The following ANKRD18A variants were observed in gnomAD, a reference collection of about 807,000 sequenced individuals.
The protein encoded by ANKRD18A is ankyrin repeat domain 18A, also known as ankyrin repeat domain-containing protein 18A.
ANKRD18A carries 72 observed loss-of-function variants against 110.6 expected under a neutral mutation model. That is an observed-to-expected ratio of 0.65 (90% CI 0.54 to 0.79). The LOEUF (loss-of-function observed/expected upper bound fraction) is 0.79, where lower values mean the gene tolerates loss of function less well. Among genes scored for constraint, ANKRD18A ranks in the 30% least tolerant of loss-of-function variants. ANKRD18A has a pLI of 0.00. For synonymous variants in ANKRD18A, 305 were observed against 410.3 expected, an observed-to-expected ratio of 0.74 and a Z score of 3.10; for missense variants, 934 against 1,163.3, an observed-to-expected ratio of 0.80 and a Z score of 2.87.
At position 38,577,099 on chromosome 9, in the gene ANKRD18A, C is replaced by A. The variant is rs1203720374; in HGVS notation, c.2695G>T (p.Ala899Ser). 6.5e-7 allele frequency: 1 copy of A among 1,549,042 alleles called. No homozygotes were observed. The highest frequency in any genetic ancestry group is 8.7e-7 in the Non-Finnish European group (1 of 1,146,250). The change falls in exon 14 of 16, where the codon GCA becomes TCA. Residue 899 changes from alanine to serine, a missense_variant. Physicochemically the swap from Ala to Ser is moderately conservative, Grantham distance 99. Transcript: ENST00000399703. ...TELEEFKEAF[A>S]GAVKANNSMS... ...GAATTGTTAGCTTTCACTGCTCCTG[C>A]AAAGGCTTCCTTAAATTCTTCTAAT... is the stretch of plus-strand genomic sequence containing the variant.
At chr9:38,616,499 C>A (rs1206443139) in intron 1 of ANKRD18A, among the ~76,000 whole-genome samples, 3 of 152,246 alleles carry the variant, frequency 2.0e-5, no homozygotes, top group African/African-American at 7.2e-5. Context: ...GTTGCCCAGG[C>A]TGGAGTGCAA....
chr9:38,607,423 T>C lies in ANKRD18A; in HGVS notation c.808+3A>G, dbSNP rs368920465. 4.7e-6 allele frequency: 7 copies of C among 1,487,448 alleles called. No individual in the cohort carries two copies. The African/African-American group carries it at 5.8e-5, about 12-fold the overall frequency. 92.1% of individuals were successfully genotyped at this position (1,487,448 alleles called of 1,614,324 possible). On this transcript the variant is annotated splice_donor_region_variant and intron_variant, in intron 6 of 15. Transcript: ENST00000399703. ...ATGAGAAATTTACTATCAGAAGTCT[T>C]ACCTTGATTGTCATTTCGAAGATGA...
chr9:38,613,900 A>G (rs1257722846), intron 3 of ANKRD18A, among the ~76,000 whole-genome samples: 1 of 152,204 alleles, frequency 6.6e-6, no homozygotes, highest in East Asian at 1.9e-4. Context: ...GTCAGTCTCT[A>G]CTTATTGAAA....
intron 6 of ANKRD18A, among the ~76,000 whole-genome samples, chr9:38,603,762 A>G (rs1287257449): frequency 6.6e-6 from 1 of 152,094 alleles, no homozygotes; most frequent in Non-Finnish European, 1.5e-5. Context: ...AATTGAATCT[A>G]ATGCCTCCCC....
At chr9:38,586,135 C>T (rs1824370665) in intron 12 of ANKRD18A, 48 bp downstream of exon 12, 2 of 1,507,320 alleles carry the variant, frequency 1.3e-6, no homozygotes, top group African/African-American at 1.4e-5. Flanking sequence ...GTACCTCTTA[C>T]ACATGTAATC....
At position 38,612,959 on chromosome 9, in the gene ANKRD18A, T is replaced by TA. The variant is rs1825699841; in HGVS notation, c.496-1639dup. Among the ~76,000 whole-genome samples, 4 of 151,382 alleles carry TA rather than the reference T, an allele frequency of 2.6e-5. No homozygotes were observed. The South Asian group carries it at 6.3e-4, about 24-fold the overall frequency. On this transcript the variant is annotated intron_variant, in intron 3 of 15. Transcript: ENST00000399703. ...CAGATGACTATTTGTGGTATAGATA[T>TA]AAAAAAAGAGTTAAAAAAACTTCTG... is the stretch of plus-strand genomic sequence containing the variant.
chr9:38,576,291 G>A (rs151054495), intron 14 of ANKRD18A, among the ~76,000 whole-genome samples: 2 of 152,130 alleles, frequency 1.3e-5, no homozygotes, highest in South Asian at 2.1e-4. Context: ...ATAACTCAGA[G>A]CAACAACTCC....
rs895958063 is a variant in ANKRD18A, at chr9:38,601,182, A to T, written c.885T>A (p.Ala295=). The part of the protein sequence containing the change: ...RAKAEHNLKV[A]SEEKQERLQR... The stretch of plus-strand genomic sequence containing the variant: ...GGAGCCTTTCTTGCTTTTCCTCTGA[A>T]GCCACTTTTAGGTTGTGTTCTGCTG... Residue 295 remains alanine (A), a synonymous_variant, in exon 8 of 16, where the codon GCT becomes GCA. Coordinates refer to ENST00000399703, the MANE Select transcript of ANKRD18A (RefSeq NM_147195.4). 13 of 1,559,580 alleles carry T rather than the reference A, an allele frequency of 8.3e-6. 1 individual carries two copies. The highest frequency in any genetic ancestry group is 1.9e-5 in the Admixed American group (1 of 51,808).
rs1823664766 is a variant in ANKRD18A, at chr9:38,571,990, A to G, written c.*55T>C. ...TTAAGATTTTATGGTTAATCTCTTCATTAGATGTGGCTTACCAGTGGATTC... is the reference window on the plus strand; with the variant it reads ...TTAAGATTTTATGGTTAATCTCTTCGTTAGATGTGGCTTACCAGTGGATTC... On this transcript the variant is annotated 3_prime_UTR_variant, in exon 16 of 16. Coordinates refer to ENST00000399703, the MANE Select transcript of ANKRD18A (RefSeq NM_147195.4). 1 of 1,519,390 alleles carries G rather than the reference A, an allele frequency of 6.6e-7. No homozygotes were observed. Among genetic ancestry groups the G allele is most frequent in the Non-Finnish European group, 8.9e-7 (1 of 1,127,068 alleles). 94.1% of individuals were successfully genotyped at this position (1,519,390 alleles called of 1,614,324 possible).
At chr9:38,618,998 A>T (rs1202059116) in intron 1 of ANKRD18A, among the ~76,000 whole-genome samples, 1 of 150,224 alleles carries the variant, frequency 6.7e-6, no homozygotes, top group Non-Finnish European at 1.5e-5. Context: ...CTGAATATAT[A>T]TTTTTATATA....
At chr9:38,569,060 C>T (rs2118590777), downstream of ANKRD18A, 2 of 985,364 alleles carry the variant, frequency 2.0e-6, no homozygotes, top group South Asian at 4.7e-5. Context: ...TGCATGCTGC[C>T]CTGGCTTCTT....
chr9:38,577,765 G>C (rs1823964312), intron 13 of ANKRD18A, 102 bp downstream of exon 13: 1 of 1,313,384 alleles, frequency 7.6e-7, no homozygotes, highest in Non-Finnish European at 1.0e-6. Context: ...ATTGCTGTAA[G>C]AGAGGCAGAG....
chr9:38,609,361 G>T (rs1198213248), intron 5 of ANKRD18A, among the ~76,000 whole-genome samples: 1 of 152,130 alleles, frequency 6.6e-6, no homozygotes, highest in Admixed American at 6.6e-5. Flanking sequence ...GGCGCCTGTA[G>T]TCCCAGTTAC....
chr9:38,608,847 A>T (rs1346859976), intron 5 of ANKRD18A, among the ~76,000 whole-genome samples: 3 of 151,812 alleles, frequency 2.0e-5, no homozygotes, highest in Non-Finnish European at 4.4e-5. Context: ...CTATTGAAGG[A>T]TAATGTACAC....
chr9:38,611,096 C>T, intron 4 of ANKRD18A, 119 bp downstream of exon 4: 2 of 1,428,474 alleles, frequency 1.4e-6, no homozygotes, highest in Non-Finnish European at 1.8e-6. Flanking sequence ...TTACTTTTTA[C>T]TATATGCCAA....
chr9:38,594,937 C>A (rs2118775272), intron 9 of ANKRD18A, among the ~76,000 whole-genome samples: 1 of 152,262 alleles, frequency 6.6e-6, no homozygotes, highest in Middle Eastern at 3.4e-3. Context: ...GACTACACAC[C>A]TTATCAGCAT....
chr9:38,604,681 A>G (rs1238468298), intron 6 of ANKRD18A, among the ~76,000 whole-genome samples: 2 of 151,872 alleles, frequency 1.3e-5, no homozygotes, highest in Admixed American at 6.6e-5. Context: ...ACTTGTATCT[A>G]GACACAGGTA....
In ANKRD18A at chr9:38,596,116, T is replaced by C. The variant is rs1461165461; in HGVS notation, c.1224A>G (p.Glu408=). ...NARLNSELEK[E]KHNKERLEAE... ...CTTCTAGTCTTTCTTTGTTGTGTTT[T>C]TCCTTCTCCAATTCTGAATTCAGCC... The change falls in exon 9 of 16, where the codon GAA becomes GAG. Residue 408 remains glutamate, a synonymous_variant. Coordinates refer to ENST00000399703, the MANE Select transcript of ANKRD18A (RefSeq NM_147195.4). 6.4e-7 allele frequency: 1 copy of C among 1,551,094 alleles called. No individual in the cohort carries two copies. The highest frequency in any genetic ancestry group is 1.4e-5 in the African/African-American group (1 of 73,018).
downstream of ANKRD18A, chr9:38,569,525 C>T (rs1823562448): frequency 5.6e-6 from 5 of 886,426 alleles, no homozygotes; most frequent in Non-Finnish European, 6.8e-6. Context: ...GCGATGGGGA[C>T]TCAGCAAGAG....
Sources: allele counts gnomAD v4.1 joint callset (sites outside exome capture counted in the v4.1 genomes callset), GRCh38; gene constraint gnomAD v4.1.1; transcripts MANE v1.5; gene names NCBI Gene and HGNC (gene_info 2026-07-23, HGNC 2026-07-21).